Variants in THADA observed in about 807,000 individuals in gnomAD.
THADA encodes tRNA (32-2'-O)-methyltransferase regulator THADA.
In THADA, 213 loss-of-function variants were observed where a neutral mutation model predicts 219.8. The ratio of observed to expected loss-of-function variants is 0.97; its 90% CI spans 0.87 to 1.09. THADA has a LOEUF of 1.09. THADA is among the 50% of genes least tolerant of loss of function. The pLI is 0.00. For missense variants in THADA, 2,956 were observed against 2,311.3 expected, an observed-to-expected ratio of 1.28 and a Z score of -5.72; for synonymous variants, 1,018 against 828.9, an observed-to-expected ratio of 1.23 and a Z score of -3.92.
At chr2:43,286,293 T>C (rs1673997789) in intron 35 of THADA, among the ~76,000 whole-genome samples, 3 of 152,146 alleles carry the variant, frequency 2.0e-5, no homozygotes, top group African/African-American at 7.2e-5. Flanking sequence ...TTATGAGCCG[T>C]GCTAAAGGGT....
intron 29 of THADA, among the ~76,000 whole-genome samples, chr2:43,352,681 G>A (rs1366784838): frequency 2.0e-5 from 3 of 152,020 alleles, no homozygotes; most frequent in Non-Finnish European, 4.4e-5. Flanking sequence ...GGGAGAGGGG[G>A]AGAGAGAAAG....
chr2:43,506,235 A>G (rs1040430761), intron 23 of THADA, among the ~76,000 whole-genome samples: 1 of 152,240 alleles, frequency 6.6e-6, no homozygotes, highest in African/African-American at 2.4e-5. Context: ...GACTAATCAA[A>G]TCAAAGCATT....
intron 26 of THADA, among the ~76,000 whole-genome samples, chr2:43,438,625 C>T (rs956762772): frequency 4.6e-5 from 7 of 152,030 alleles, no homozygotes; most frequent in Non-Finnish European, 8.8e-5. Context: ...TAGTAGTCCC[C>T]GTATGTGAGC....
At chr2:43,386,322 G>GT (rs569744347) in intron 29 of THADA, among the ~76,000 whole-genome samples, 56 of 147,846 alleles carry the variant, frequency 3.8e-4, no homozygotes, top group Middle Eastern at 3.5e-3. Flanking sequence ...TTTAACTTAT[G>GT]TTTTTTTTTT....
intron 24 of THADA, among the ~76,000 whole-genome samples, chr2:43,503,543 C>T (rs891211421): frequency 2.0e-5 from 3 of 152,016 alleles, no homozygotes; most frequent in East Asian, 1.9e-4. Context: ...GAGGAATAAA[C>T]GGGAATGAGA....
intron 30 of THADA, among the ~76,000 whole-genome samples, chr2:43,327,552 A>G (rs1243112453): frequency 2.6e-5 from 4 of 152,182 alleles, no homozygotes; most frequent in Non-Finnish European, 5.9e-5. Flanking sequence ...ATGTTTCCAC[A>G]TCCCATTATG....
At chr2:43,297,454 G>GC (rs1292359050) in intron 31 of THADA, among the ~76,000 whole-genome samples, 1 of 110,500 alleles carries the variant, frequency 9.0e-6, no homozygotes, top group South Asian at 3.2e-4. Flanking sequence ...AGGTGGGGGG[G>GC]GGTCAGCCCC....
At chr2:43,424,924 C>A (rs901933935) in intron 28 of THADA, among the ~76,000 whole-genome samples, 1 of 152,158 alleles carries the variant, frequency 6.6e-6, no homozygotes, top group South Asian at 2.1e-4. Flanking sequence ...AGGAACAGAT[C>A]CCACCATTGG....
intron 24 of THADA, among the ~76,000 whole-genome samples, chr2:43,505,140 T>A (rs1689500421): frequency 6.6e-6 from 1 of 152,162 alleles, no homozygotes; most frequent in African/African-American, 2.4e-5. Context: ...AAAATGTACA[T>A]CAACGCAAAG....
At chr2:43,399,338 G>A (rs367828662) in intron 28 of THADA, among the ~76,000 whole-genome samples, 5 of 152,212 alleles carry the variant, frequency 3.3e-5, no homozygotes, top group African/African-American at 1.2e-4. Context: ...GGAATTACTT[G>A]GTAAGAATTA....
intron 36 of THADA, among the ~76,000 whole-genome samples, chr2:43,276,636 C>T (rs375180559): frequency 6.6e-6 from 1 of 152,178 alleles, no homozygotes. Context: ...AGCTGTGCTG[C>T]GTTCTGAGGA....
intron 37 of THADA, among the ~76,000 whole-genome samples, chr2:43,231,959 C>T (rs182641461): frequency 5.5e-4 from 84 of 152,242 alleles, no homozygotes; most frequent in Middle Eastern, 3.4e-3. Context: ...TGCTGCTTGT[C>T]TTTGTCCTCA....
intron 29 of THADA, among the ~76,000 whole-genome samples, chr2:43,357,895 C>T (rs984479746): frequency 3.9e-5 from 6 of 152,132 alleles, no homozygotes; most frequent in African/African-American, 1.4e-4. Context: ...AAATGCATTA[C>T]TTTTCAATTT....
chr2:43,514,877 A>C (rs1164831985), intron 22 of THADA, among the ~76,000 whole-genome samples: 1 of 83,134 alleles, frequency 1.2e-5, no homozygotes, highest in Non-Finnish European at 2.0e-5. Context: ...TTTATGTATA[A>C]TATGTATAAT....
At chr2:43,427,304 A>G (rs934326172) in intron 28 of THADA, among the ~76,000 whole-genome samples, 4 of 152,142 alleles carry the variant, frequency 2.6e-5, no homozygotes, top group African/African-American at 9.7e-5. Context: ...TAACGCAAAC[A>G]TGGGGCTATG....
chr2:43,590,774 G>A (rs1413313237), intron 4 of THADA, 50 bp downstream of exon 4: 2 of 1,588,150 alleles, frequency 1.3e-6, no homozygotes, highest in Admixed American at 1.8e-5. Context: ...AGTTACTTTT[G>A]GTCAAATTCA....
chr2:43,445,062 C>T (rs150879411), intron 26 of THADA, among the ~76,000 whole-genome samples: 56 of 152,182 alleles, frequency 3.7e-4, no homozygotes, highest in Non-Finnish European at 5.7e-4. Flanking sequence ...ACTATTAAAA[C>T]GGAGCTATTC....
intron 29 of THADA, among the ~76,000 whole-genome samples, chr2:43,393,764 TAACAACAAC>T (rs200202422): frequency 6.7e-6 from 1 of 148,210 alleles, no homozygotes; most frequent in African/African-American, 2.5e-5. Context: ...TATTTGTACA[TAACAACAAC>T]AACAACAACA....
intron 28 of THADA, among the ~76,000 whole-genome samples, chr2:43,399,251 G>C (rs952060339): frequency 6.6e-6 from 1 of 152,184 alleles, no homozygotes; most frequent in Non-Finnish European, 1.5e-5. Context: ...GAATAGGGAA[G>C]GTCAGAAGAC....
Sources: gnomAD v4.1 joint callset for allele counts (sites outside exome capture counted in the v4.1 genomes callset) on GRCh38, gnomAD v4.1.1 for gene constraint, MANE v1.5 for transcripts, NCBI Gene and HGNC (gene_info 2026-07-23, HGNC 2026-07-21) for gene names.